The following THSD4 variants were observed in gnomAD, a reference collection of about 807,000 sequenced individuals.
THSD4 encodes the protein thrombospondin type 1 domain containing 4.
A neutral mutation model predicts 119.0 loss-of-function variants in THSD4; 69 were observed. That is an observed-to-expected ratio of 0.58 (90% CI 0.48 to 0.71). The LOEUF is 0.71. THSD4 is among the 30% of genes least tolerant of loss of function. THSD4 has a pLI of 0.00. For missense variants in THSD4, 1,393 were observed against 1,391.1 expected, an observed-to-expected ratio of 1.00 and a Z score of -0.02; for synonymous variants, 524 against 540.4, an observed-to-expected ratio of 0.97 and a Z score of 0.42.
intron 6 of THSD4, among the ~76,000 whole-genome samples, chr15:71,317,086 AAGGG>A (rs1225939214): frequency 6.6e-6 from 1 of 152,310 alleles, no homozygotes; most frequent in East Asian, 1.9e-4. Context: ...ATAAACTGCT[AAGGG>A]AGAATTTTCA....
At chr15:71,220,053 A>T (rs773492973) in intron 4 of THSD4, among the ~76,000 whole-genome samples, 22 of 152,022 alleles carry the variant, frequency 1.4e-4, no homozygotes, top group Non-Finnish European at 2.1e-4. Flanking sequence ...AACCAGGGTA[A>T]TCTTCTTTGC....
At chr15:71,546,825 A>T (rs1369213572) in intron 7 of THSD4, among the ~76,000 whole-genome samples, 1 of 152,212 alleles carries the variant, frequency 6.6e-6, no homozygotes, top group East Asian at 1.9e-4. Context: ...AATCAGATCT[A>T]AAAGGGAACT....
At chr15:71,150,708 G>A (rs1469216514) in intron 2 of THSD4, among the ~76,000 whole-genome samples, 2 of 152,192 alleles carry the variant, frequency 1.3e-5, no homozygotes, top group African/African-American at 2.4e-5. Flanking sequence ...GATCTTCTAA[G>A]GATGGTTTTT....
chr15:71,455,683 C>T (rs570927279), intron 7 of THSD4, among the ~76,000 whole-genome samples: 1 of 152,084 alleles, frequency 6.6e-6, no homozygotes, highest in African/African-American at 2.4e-5. Context: ...GTAATCCGTT[C>T]CAGATGAACC....
At chr15:71,689,730 G>C (rs1025951764) in intron 8 of THSD4, among the ~76,000 whole-genome samples, 4 of 151,978 alleles carry the variant, frequency 2.6e-5, no homozygotes, top group African/African-American at 9.7e-5. Flanking sequence ...CCCTCATTGA[G>C]ATCATGGGGA....
intron 7 of THSD4, among the ~76,000 whole-genome samples, chr15:71,428,223 CA>C (rs1287683385): frequency 6.6e-6 from 1 of 152,206 alleles, no homozygotes. Context: ...ATGCAATACT[CA>C]TTGTATGCAA....
intron 1 of THSD4, among the ~76,000 whole-genome samples, chr15:71,119,398 C>T (rs897445070): frequency 6.6e-6 from 1 of 152,182 alleles, no homozygotes; most frequent in African/African-American, 2.4e-5. Context: ...CTGCCCTGGG[C>T]TTCCTTTACA....
At chr15:71,226,737 T>A (rs187255414) in intron 4 of THSD4, among the ~76,000 whole-genome samples, 1 of 152,118 alleles carries the variant, frequency 6.6e-6, no homozygotes, top group African/African-American at 2.4e-5. Context: ...ACCCAGGGAG[T>A]CTTGTTACCT....
chr15:71,269,184 G>T (rs113658629), intron 6 of THSD4, among the ~76,000 whole-genome samples: 180 of 152,242 alleles, frequency 1.2e-3, no homozygotes, highest in African/African-American at 4.3e-3. Flanking sequence ...GATGAACATT[G>T]ATGCGAAAAT....
Position 71,242,738 on chromosome 15 carries a change from C to T in THSD4, c.554C>T (p.Thr185Met), listed in dbSNP as rs200233214. ...ILPLQTDTAH[T>M]PQRLRRQKLS... ...CCACTGCAGACAGACACTGCACACA[C>T]GCCACAGAGGCTCCGGAGACAGAAG... is the stretch of plus-strand genomic sequence containing the variant. The change falls in exon 5 of 18, where the codon ACG (threonine) becomes ATG (methionine). Residue 185 changes from threonine (T) to methionine (M), a missense_variant. Physicochemically the swap from Thr to Met is moderately conservative, Grantham distance 81. Transcript: ENST00000261862. 271 of 1,614,066 alleles carry T rather than the reference C, an allele frequency of 1.7e-4. No homozygotes were observed. Among genetic ancestry groups the T allele is most frequent in the Middle Eastern group, 1.6e-3 (10 of 6,084 alleles).
At chr15:71,230,319 A>G (rs2044050016) in intron 4 of THSD4, among the ~76,000 whole-genome samples, 1 of 152,178 alleles carries the variant, frequency 6.6e-6, no homozygotes, top group South Asian at 2.1e-4. Flanking sequence ...CTCTGGAGAA[A>G]TGAATGCATT....
chr15:71,180,243 A>G (rs570353859), intron 3 of THSD4, among the ~76,000 whole-genome samples: 24 of 152,178 alleles, frequency 1.6e-4, no homozygotes, highest in Non-Finnish European at 3.2e-4. Context: ...TTTGCAAATC[A>G]TATATCTGAT....
At chr15:71,126,550 G>T (rs2040458270) in intron 1 of THSD4, among the ~76,000 whole-genome samples, 1 of 152,186 alleles carries the variant, frequency 6.6e-6, no homozygotes, top group South Asian at 2.1e-4. Flanking sequence ...AGGTTTCAAT[G>T]GAAAATCACT....
At chr15:71,165,765 G>C (rs1039713041) in intron 3 of THSD4, among the ~76,000 whole-genome samples, 7 of 152,130 alleles carry the variant, frequency 4.6e-5, no homozygotes, top group African/African-American at 1.7e-4. Flanking sequence ...TGCCAGGTTG[G>C]TTGTCAGGCT....
At chr15:71,223,950 C>T (rs1171148570) in intron 4 of THSD4, among the ~76,000 whole-genome samples, 1 of 152,120 alleles carries the variant, frequency 6.6e-6, no homozygotes, top group Non-Finnish European at 1.5e-5. Flanking sequence ...AGAAGTACTC[C>T]TTATCCTTGA....
chr15:71,275,952 C>T (rs547874653), intron 6 of THSD4, among the ~76,000 whole-genome samples: 37 of 152,300 alleles, frequency 2.4e-4, no homozygotes, highest in Non-Finnish European at 5.0e-4. Context: ...GTAAATTACC[C>T]AGTCTAGCGT....
At chr15:71,489,828 T>C (rs1200242523) in intron 7 of THSD4, among the ~76,000 whole-genome samples, 1 of 7,184 alleles carries the variant, frequency 1.4e-4, no homozygotes, top group Non-Finnish European at 1.0e-3. Flanking sequence ...TTTAAACATT[T>C]TTTTTTTTCT....
At chr15:71,754,394 T>C (rs1388582780) in intron 14 of THSD4, among the ~76,000 whole-genome samples, 1 of 152,106 alleles carries the variant, frequency 6.6e-6, no homozygotes, top group Non-Finnish European at 1.5e-5. Context: ...CTGGCCTACA[T>C]TGTATTCTTT....
chr15:71,435,779 T>C (rs1373935030), intron 7 of THSD4, among the ~76,000 whole-genome samples: 1 of 152,120 alleles, frequency 6.6e-6, no homozygotes, highest in Non-Finnish European at 1.5e-5. Context: ...CCTGCCAACC[T>C]GTGACGCCTG....
Sources: gnomAD v4.1 joint callset for allele counts (sites outside exome capture counted in the v4.1 genomes callset) on GRCh38, gnomAD v4.1.1 for gene constraint, MANE v1.5 for transcripts, NCBI Gene and HGNC (gene_info 2026-07-23, HGNC 2026-07-21) for gene names.